IFT88: variants seen among roughly 807,000 people sequenced by gnomAD.
IFT88 encodes the protein intraflagellar transport 88, also known as intraflagellar transport protein 88 homolog.
A neutral mutation model predicts 119.5 loss-of-function variants in IFT88; 74 were observed. The observed-to-expected ratio is 0.62, with a 90% CI of 0.51 to 0.75. IFT88 has a LOEUF of 0.75. Ranked by LOEUF, IFT88 falls within the 30% of genes least tolerant of loss-of-function variation. The probability of loss-of-function intolerance (pLI) is 0.00; values close to 1 mark genes in which losing one functional copy is unlikely to be tolerated. For missense variants in IFT88, 961 were observed against 977.7 expected, an observed-to-expected ratio of 0.98 and a Z score of 0.23; for synonymous variants, 279 against 316.7, an observed-to-expected ratio of 0.88 and a Z score of 1.26.
chr13:20,568,728 T>G (rs904733940), intron 1 of IFT88, among the ~76,000 whole-genome samples: 1 of 152,188 alleles, frequency 6.6e-6, no homozygotes, highest in African/African-American at 2.4e-5. Context: ...ACCTTTTTTT[T>G]TCTTTTTGAG....
intron 24 of IFT88, among the ~76,000 whole-genome samples, chr13:20,676,407 G>A (rs747321355): frequency 6.6e-6 from 1 of 152,232 alleles, no homozygotes; most frequent in Non-Finnish European, 1.5e-5. Flanking sequence ...GCAAGCATGT[G>A]CAAGGGTGAG....
chr13:20,578,127 C>T (rs1332227736), intron 2 of IFT88, among the ~76,000 whole-genome samples: 1 of 136,324 alleles, frequency 7.3e-6, no homozygotes, highest in East Asian at 2.6e-4. Flanking sequence ...TCACTGCAAG[C>T]TCTGCCTCCC....
intron 24 of IFT88, among the ~76,000 whole-genome samples, chr13:20,687,175 A>AT (rs1160560292): frequency 2.0e-5 from 3 of 151,996 alleles, no homozygotes; most frequent in Admixed American, 6.6e-5. Flanking sequence ...ATGTGTTAAG[A>AT]TTTTTTTTGC....
Position 20,599,484 on chromosome 13 carries a change from T to G in IFT88, c.731T>G (p.Leu244Ter), listed in dbSNP as rs1286343838. 2.0e-6 allele frequency: 3 copies of G among 1,511,372 alleles called. No individual in the cohort carries two copies. The highest frequency in any genetic ancestry group is 1.4e-5 in the African/African-American group (1 of 72,136). The allele number at this position is 1,511,372 out of a possible 1,614,324, so 93.6% of individuals were successfully genotyped here. ...AAAATGAATATGGGAAATATCTATT[T>G]AAAGCAAAGAAATTATTCCAAAGCC... ...ILKMNMGNIYLKQRNYSKAIK... is the reference protein window; with the variant it reads ...ILKMNMGNIY Residue 244 changes from leucine (L) to a stop codon, truncating the protein, a stop_gained, in exon 11 of 26, where the codon TTA becomes TGA. Coordinates refer to ENST00000351808, the MANE Select transcript of IFT88 (RefSeq NM_006531.5). LOFTEE classifies it high-confidence loss of function.
In IFT88 at chr13:20,663,603, A is replaced by G. The variant is rs766687371; in HGVS notation, c.2174A>G (p.Gln725Arg). 9.3e-6 allele frequency: 15 copies of G among 1,606,580 alleles called. No individual in the cohort carries two copies. Among genetic ancestry groups the G allele is most frequent in the Non-Finnish European group, 1.1e-5 (13 of 1,174,016 alleles). The change falls in exon 23 of 26, where the codon CAG becomes CGG. Residue 725 changes from glutamine to arginine, a missense_variant and splice_region_variant. Physicochemically the swap from Gln to Arg is conservative, Grantham distance 43. Coordinates refer to ENST00000351808, the MANE Select transcript of IFT88 (RefSeq NM_006531.5). Reference protein sequence around the residue: ...RLEKMKEIREQRIKSGRDGSG... With the variant: ...RLEKMKEIRERRIKSGRDGSG... ...GAAAAAATGAAAGAAATAAGGGAAC[A>G]GGTATCTCATATGGGCCCCAAACTG...
At chr13:20,645,667 T>G (rs1007873597) in intron 20 of IFT88, among the ~76,000 whole-genome samples, 8 of 152,202 alleles carry the variant, frequency 5.3e-5, no homozygotes, top group African/African-American at 7.2e-5. Flanking sequence ...TAAAATGTTT[T>G]CAGTGTCTTT....
chr13:20,596,981 C>T (rs751003601), intron 8 of IFT88, 34 bp from the exon 9 acceptor site: 2 of 1,224,422 alleles, frequency 1.6e-6, no homozygotes, highest in Non-Finnish European at 2.3e-6. Flanking sequence ...GATGAACACT[C>T]AAAGGAAGTT....
At chr13:20,573,227 A>G (rs1380087102) in intron 1 of IFT88, among the ~76,000 whole-genome samples, 2 of 152,274 alleles carry the variant, frequency 1.3e-5, no homozygotes, top group African/African-American at 2.4e-5. Context: ...CTGTCTGGAT[A>G]CTATAACCCA....
intron 19 of IFT88, among the ~76,000 whole-genome samples, chr13:20,644,034 C>T (rs866603169): frequency 3.3e-5 from 5 of 152,046 alleles, no homozygotes; most frequent in Admixed American, 6.6e-5. Flanking sequence ...ATTACTACCA[C>T]GCCAGGCCTG....
intron 24 of IFT88, among the ~76,000 whole-genome samples, chr13:20,685,090 A>G (rs991651729): frequency 1.3e-5 from 2 of 152,244 alleles, no homozygotes; most frequent in East Asian, 3.8e-4. Context: ...TTGCTTCTAT[A>G]GATTATAGAT....
At chr13:20,688,182 A>T (rs995220168) in intron 24 of IFT88, among the ~76,000 whole-genome samples, 22 of 152,134 alleles carry the variant, frequency 1.4e-4, no homozygotes, top group African/African-American at 5.1e-4. Context: ...CTAAAAATAC[A>T]ACAACAACAA....
At chr13:20,619,755 T>C (rs1221509550) in intron 14 of IFT88, among the ~76,000 whole-genome samples, 7 of 152,184 alleles carry the variant, frequency 4.6e-5, no homozygotes, top group African/African-American at 1.7e-4. Context: ...TGAAATGGCT[T>C]GATCCTATGG....
At chr13:20,685,813 G>A (rs184833032) in intron 24 of IFT88, among the ~76,000 whole-genome samples, 1 of 152,362 alleles carries the variant, frequency 6.6e-6, no homozygotes, top group African/African-American at 2.4e-5. Flanking sequence ...CCGGGAGGCA[G>A]AGGTTGCAGT....
chr13:20,615,753 C>A, intron 13 of IFT88, 40 bp from the exon 14 acceptor site: 1 of 1,184,438 alleles, frequency 8.4e-7, no homozygotes, highest in Non-Finnish European at 1.2e-6. Context: ...CTATTTTATA[C>A]TGTATCTCTA....
chr13:20,669,066 A>G (rs1008387166), intron 23 of IFT88, among the ~76,000 whole-genome samples: 2 of 152,316 alleles, frequency 1.3e-5, no homozygotes, highest in South Asian at 2.1e-4. Flanking sequence ...CACTGAACCA[A>G]CCGAGGCTTA....
intron 18 of IFT88, chr13:20,642,667 G>A (rs2050127558): frequency 1.3e-5 from 2 of 152,036 alleles, no homozygotes; most frequent in South Asian, 4.2e-4. Flanking sequence ...GTTCTGTTTT[G>A]TTCATTTAAT....
At chr13:20,646,296 C>A (rs2050741315) in intron 20 of IFT88, among the ~76,000 whole-genome samples, 1 of 137,308 alleles carries the variant, frequency 7.3e-6, no homozygotes, top group Non-Finnish European at 1.6e-5. Context: ...CCAATAAAAT[C>A]TTTTTTTTTT....
chr13:20,609,753 C>G lies in IFT88; in HGVS notation c.1112+4648C>G, dbSNP rs141364804. 8.3e-4 allele frequency among the ~76,000 whole-genome samples: 124 copies of G among 148,986 alleles called. 1 individual carries two copies. Among genetic ancestry groups the G allele is most frequent in the African/African-American group, 3.0e-3 (119 of 39,456 alleles). On this transcript the variant is annotated intron_variant, in intron 13 of 25. Coordinates refer to ENST00000351808, the MANE Select transcript of IFT88 (RefSeq NM_006531.5). ...AGTGAGACTCTGTCTCAAAAACAAA[C>G]AAACAAACAGAAAAAAAACAAAAAA...
chr13:20,658,949 T>A (rs2053334156), intron 22 of IFT88, among the ~76,000 whole-genome samples: 1 of 152,240 alleles, frequency 6.6e-6, no homozygotes, highest in African/African-American at 2.4e-5. Context: ...AGAGGGTGTC[T>A]AAGATAACTT....
Sources: gnomAD v4.1 joint callset for allele counts (sites outside exome capture counted in the v4.1 genomes callset) on GRCh38, gnomAD v4.1.1 for gene constraint, MANE v1.5 for transcripts, NCBI Gene and HGNC (gene_info 2026-07-23, HGNC 2026-07-21) for gene names.